The following FNDC3A variants were observed in gnomAD, a reference collection of about 807,000 sequenced individuals.
The protein encoded by FNDC3A is fibronectin type III domain containing 3A.
Under a neutral mutation model 148.9 loss-of-function variants are expected in FNDC3A, and 32 were observed. The ratio of observed to expected loss-of-function variants is 0.21; its 90% CI spans 0.16 to 0.29. The LOEUF (loss-of-function observed/expected upper bound fraction) is 0.29. Among genes scored for constraint, FNDC3A ranks in the 10% least tolerant of loss-of-function variants. The pLI is 1.00. For missense variants in FNDC3A, 1,191 were observed against 1,452.8 expected, an observed-to-expected ratio of 0.82 and a Z score of 2.93; for synonymous variants, 472 against 473.6, an observed-to-expected ratio of 1.00 and a Z score of 0.04.
chr13:49,169,386 A>G (rs926416062), intron 10 of FNDC3A, among the ~76,000 whole-genome samples: 2 of 152,204 alleles, frequency 1.3e-5, no homozygotes, highest in African/African-American at 2.4e-5. Flanking sequence ...GTGTCTGTTA[A>G]AACCATACAA....
intron 8 of FNDC3A, among the ~76,000 whole-genome samples, chr13:49,152,851 T>C (rs1319547186): frequency 6.6e-6 from 1 of 151,334 alleles, no homozygotes; most frequent in Non-Finnish European, 1.5e-5. Flanking sequence ...CATGAACTCA[T>C]CATTTTTTAT....
At chr13:48,983,616 C>T (rs1015814543) in intron 1 of FNDC3A, among the ~76,000 whole-genome samples, 3 of 152,200 alleles carry the variant, frequency 2.0e-5, no homozygotes, top group Admixed American at 6.5e-5. Context: ...TGCAATGGTG[C>T]ATGCATATAC....
At chr13:48,994,989 T>C (rs1951997990) in intron 1 of FNDC3A, among the ~76,000 whole-genome samples, 1 of 152,194 alleles carries the variant, frequency 6.6e-6, no homozygotes, top group African/African-American at 2.4e-5. Flanking sequence ...AAGATGTAGG[T>C]TAAATTTAAC....
intron 2 of FNDC3A, among the ~76,000 whole-genome samples, chr13:49,034,502 A>G (rs1000251097): frequency 2.6e-5 from 4 of 152,034 alleles, no homozygotes; most frequent in Non-Finnish European, 4.4e-5. Flanking sequence ...AGGTACTTCA[A>G]TAACTTATTT....
At chr13:49,002,679 C>A (rs920918674) in intron 1 of FNDC3A, among the ~76,000 whole-genome samples, 1 of 152,152 alleles carries the variant, frequency 6.6e-6, no homozygotes, top group Non-Finnish European at 1.5e-5. Context: ...TGTTTTTGAA[C>A]CTCCTGCAAA....
chr13:49,069,032 C>A (rs1441606505), intron 2 of FNDC3A, among the ~76,000 whole-genome samples: 1 of 151,836 alleles, frequency 6.6e-6, no homozygotes, highest in Non-Finnish European at 1.5e-5. Flanking sequence ...TATAACAAAC[C>A]TACACGTGTA....
intron 2 of FNDC3A, among the ~76,000 whole-genome samples, chr13:49,032,730 C>A (rs531753020): frequency 6.6e-6 from 1 of 150,554 alleles, no homozygotes; most frequent in African/African-American, 2.4e-5. Flanking sequence ...AGCGAGACTC[C>A]GTCTCAAAAA....
intron 3 of FNDC3A, among the ~76,000 whole-genome samples, chr13:49,092,633 T>C (rs1030355001): frequency 4.0e-5 from 6 of 151,708 alleles, no homozygotes; most frequent in African/African-American, 1.5e-4. Context: ...GTTCACATTG[T>C]TCCTTCTTAT....
intron 24 of FNDC3A, among the ~76,000 whole-genome samples, chr13:49,202,493 G>A (rs1276232744): frequency 3.3e-5 from 5 of 151,924 alleles, no homozygotes; most frequent in Admixed American, 3.3e-4. Flanking sequence ...CTCTGGCAAG[G>A]GCTACACTCT....
chr13:49,170,865 G>A (rs1166153169), intron 10 of FNDC3A, among the ~76,000 whole-genome samples: 1 of 152,164 alleles, frequency 6.6e-6, no homozygotes, highest in African/African-American at 2.4e-5. Flanking sequence ...ACTGGAAAAA[G>A]AGAAAAATTA....
At chr13:49,177,855 G>A (rs1179462226) in intron 13 of FNDC3A, among the ~76,000 whole-genome samples, 1 of 152,088 alleles carries the variant, frequency 6.6e-6, no homozygotes, top group African/African-American at 2.4e-5. Context: ...CATAGAGACA[G>A]GAAGTATGTT....
intron 19 of FNDC3A, among the ~76,000 whole-genome samples, chr13:49,195,107 A>G (rs1389889733): frequency 6.6e-6 from 1 of 152,150 alleles, no homozygotes; most frequent in Non-Finnish European, 1.5e-5. Flanking sequence ...TAGTTGTTAT[A>G]ATTGATTAGT....
chr13:49,131,867 T>C (rs1270056640), intron 5 of FNDC3A, among the ~76,000 whole-genome samples: 2 of 152,180 alleles, frequency 1.3e-5, no homozygotes, highest in African/African-American at 4.8e-5. Flanking sequence ...CACAAAATAA[T>C]ACCTTATTAT....
At chr13:49,110,255 C>T in intron 3 of FNDC3A, 2 of 1,168,686 alleles carry the variant, frequency 1.7e-6, no homozygotes, top group South Asian at 3.5e-5. Context: ...CACGTGATGA[C>T]TGTCACGTGA....
rs116476765 is a variant in FNDC3A, at chr13:49,038,810, C to T, written c.99+32521C>T. Among the ~76,000 whole-genome samples the T allele has an allele frequency of 9.7e-3, 1,474 of 152,108 alleles. 14 individuals carry two copies. The highest frequency in any genetic ancestry group is 0.023 in the African/African-American group (943 of 41,488). Reference sequence around the variant, plus strand: ...AAGTCATGTTCCTTTTGGGATAAGGCGAGAAAGTTAACTTATATCTGTAAA... The same window carrying T: ...AAGTCATGTTCCTTTTGGGATAAGGTGAGAAAGTTAACTTATATCTGTAAA... On this transcript the variant is annotated intron_variant, in intron 2 of 25. Transcript: ENST00000492622.
intron 2 of FNDC3A, among the ~76,000 whole-genome samples, chr13:49,057,869 A>G (rs963647963): frequency 2.6e-5 from 4 of 152,178 alleles, no homozygotes; most frequent in Non-Finnish European, 4.4e-5. Flanking sequence ...AAATGAAAAG[A>G]AACACAGGAT....
chr13:49,018,307 A>T (rs1872990732), intron 2 of FNDC3A, among the ~76,000 whole-genome samples: 1 of 152,020 alleles, frequency 6.6e-6, no homozygotes, highest in Non-Finnish European at 1.5e-5. Flanking sequence ...GTTTCTTTTT[A>T]TTCTTTTTTC....
At chr13:49,055,210 C>G (rs1876139849) in intron 2 of FNDC3A, among the ~76,000 whole-genome samples, 1 of 151,950 alleles carries the variant, frequency 6.6e-6, no homozygotes, top group Non-Finnish European at 1.5e-5. Flanking sequence ...CTCAAGGAAT[C>G]CTCTTGCCTC....
At chr13:49,052,943 T>C (rs531481417) in intron 2 of FNDC3A, among the ~76,000 whole-genome samples, 1 of 152,280 alleles carries the variant, frequency 6.6e-6, no homozygotes, top group African/African-American at 2.4e-5. Context: ...TGAAGTTATA[T>C]TCCCAGGGGG....
Sources: allele counts gnomAD v4.1 joint callset (sites outside exome capture counted in the v4.1 genomes callset), GRCh38; gene constraint gnomAD v4.1.1; transcripts MANE v1.5; gene names NCBI Gene and HGNC (gene_info 2026-07-23, HGNC 2026-07-21).